Variants in KMT2D observed in about 807,000 individuals in gnomAD.
The protein encoded by KMT2D is lysine methyltransferase 2D, also known as histone-lysine N-methyltransferase 2D.
KMT2D carries 55 observed loss-of-function variants against 512.7 expected under a neutral mutation model. That is an observed-to-expected ratio of 0.11 (90% CI 0.09 to 0.13). The LOEUF (loss-of-function observed/expected upper bound fraction) is 0.13. Ranked by LOEUF, KMT2D falls within the 10% of genes least tolerant of loss-of-function variation. The pLI is 1.00. For synonymous variants in KMT2D, 2,995 were observed against 2,904.0 expected, an observed-to-expected ratio of 1.03 and a Z score of -1.01; for missense variants, 6,061 against 7,127.9, an observed-to-expected ratio of 0.85 and a Z score of 5.39.
In KMT2D at chr12:49,033,681, G is replaced by A. The variant is rs1159455501; in HGVS notation, c.11024C>T (p.Thr3675Ile). The A allele has an allele frequency of 1.9e-6, 3 of 1,613,702 alleles. No individual in the cohort carries two copies. The highest frequency in any genetic ancestry group is 1.1e-5 in the South Asian group (1 of 91,086). Residue 3675 changes from threonine (T) to isoleucine (I), a missense_variant, in exon 40 of 55, where the codon ACA becomes ATA. Around this residue, in one of 16 missense-constraint regions of KMT2D, gnomAD observed 1,600 missense variants for 1,754.9 expected, o/e 0.91. Coordinates refer to ENST00000301067, the MANE Select transcript of KMT2D (RefSeq NM_003482.4). ...CTGTTGCTGCTGTTGGGCCAGAGCTGTATTAAGGAAGGGGCCACCAGGCTG... is the reference window on the plus strand; with the variant it reads ...CTGTTGCTGCTGTTGGGCCAGAGCTATATTAAGGAAGGGGCCACCAGGCTG... Reference protein sequence around the residue: ...PGQPGGPFLNTALAQQQQQQH... With the variant: ...PGQPGGPFLNIALAQQQQQQH...
rs572083092 is a variant in KMT2D at position 49,033,859 on chromosome 12, C to G, written c.10846G>C (p.Val3616Leu). The G allele has an allele frequency of 4.5e-6, 7 of 1,556,256 alleles. No individual in the cohort carries two copies. In the South Asian group the frequency reaches 7.3e-5, roughly 16 times the overall value. ...CTCTGGGAAGGGCTGAGAGCCAGCA[C>G]AGCTGAGTGCTGTTGCTGTTGTTGC... ...QQQQQQQHSA[V>L]LALSPSQSPR... Residue 3616 changes from valine (V) to leucine (L), a missense_variant, in exon 40 of 55, where the codon GTG becomes CTG. By Grantham distance (32) the Val-to-Leu change is conservative. Transcript: ENST00000301067.
Position 49,029,141 on chromosome 12 carries a change from T to A in KMT2D, c.14171A>T (p.His4724Leu). 29 of 1,613,834 alleles carry A rather than the reference T, an allele frequency of 1.8e-5. 1 individual carries two copies. The highest frequency in any genetic ancestry group is 2.3e-5 in the Non-Finnish European group (27 of 1,179,770). Reference protein sequence around the residue: ...ILGEEAPRFPHLGSGRWEQED... With the variant: ...ILGEEAPRFPLLGSGRWEQED... ...TTGCTCCCACCGGCCTGAGCCCAGA[T>A]GAGGGAAACGAGGGGCCTCCTCCCC... The change falls in exon 45 of 55, where the codon CAT (histidine) becomes CTT (leucine). Residue 4724 changes from histidine to leucine, a missense_variant. Coordinates refer to ENST00000301067, the MANE Select transcript of KMT2D (RefSeq NM_003482.4).
rs780029569 is a variant in KMT2D, at chr12:49,031,850, G to A, written c.12855C>T (p.Gly4285=). The change falls in exon 40 of 55, where the codon GGC becomes GGT. Residue 4285 remains glycine (G), a synonymous_variant. Coordinates refer to ENST00000301067, the MANE Select transcript of KMT2D (RefSeq NM_003482.4). ...CTGGTGGGGCAGGGAGCCGGGGTGG[G>A]CCCTGAGGTCGAGGCCCTGCCCCTA... ...QELGAGPRPQ[G]PPRLPAPPGA... is the part of the protein sequence containing the mutation. The A allele has an allele frequency of 1.6e-5, 25 of 1,546,770 alleles. No individual in the cohort carries two copies. The South Asian group carries it at 3.1e-4, about 19-fold the overall frequency.
At position 49,044,148 on chromosome 12, in the gene KMT2D, T is replaced by C; in HGVS notation, c.5188+52A>G. On this transcript the variant is annotated intron_variant, in intron 22 of 54. Transcript: ENST00000301067. This position sits in a 1 kb window ranked among gnomAD's most constrained non-coding sequence, Gnocchi z 6.4. ...AATGAGTCCACCCCCTGGGTCTCTC[T>C]AGCATTGCCCCACCTTCTCCCAGGC... 2.5e-6 allele frequency: 4 copies of C among 1,595,054 alleles called. No individual in the cohort carries two copies. The highest frequency in any genetic ancestry group is 3.4e-6 in the Non-Finnish European group (4 of 1,169,284).
In KMT2D at chr12:49,034,859, C is replaced by A. The variant is rs2120461273; in HGVS notation, c.10308G>T (p.Lys3436Asn). Residue 3436 changes from lysine (K) to asparagine (N), a missense_variant, in exon 36 of 55, where the codon AAG becomes AAT. Lys to Asn is a moderately conservative substitution (Grantham distance 94). Around this residue, in one of 16 missense-constraint regions of KMT2D, gnomAD observed 533 missense variants for 539.6 expected, o/e 0.99. Transcript: ENST00000301067. ...KAKMVALKGI[K>N]KVMAQGSIGV... is the part of the protein sequence containing the mutation. ...CAATGCTGCCCTGAGCCATCACTTT[C>A]TTGATGCCTTTCAAAGCCACCATCT... The A allele has an allele frequency of 6.2e-7, 1 of 1,614,052 alleles. No homozygotes were observed. Among genetic ancestry groups the A allele is most frequent in the South Asian group, 1.1e-5 (1 of 91,088 alleles).
At position 49,042,301 on chromosome 12, in the gene KMT2D, G is replaced by T; in HGVS notation, c.5897C>A (p.Pro1966His). 6.4e-7 allele frequency: 1 copy of T among 1,555,512 alleles called. No individual in the cohort carries two copies. Among genetic ancestry groups the T allele is most frequent in the Non-Finnish European group, 8.7e-7 (1 of 1,148,972 alleles). Residue 1966 changes from proline to histidine, a missense_variant, in exon 29 of 55, where the codon CCC (proline) becomes CAC (histidine). Pro to His is a moderately conservative substitution (Grantham distance 77). This residue lies in a region of KMT2D where 640 missense variants were observed against 814.3 expected (regional missense o/e 0.79). Transcript: ENST00000301067. The surrounding 1 kb of genome is among the most constrained non-coding windows in gnomAD (Gnocchi z 4.4). ...CGTCCAGGGGCTGTCGGGCTCACCG[G>T]GTTCCGGGCTAAAGAAGCCCCCGCG... ...RERGGFFSPEPGEPDSPWTGS... is the reference protein window; with the variant it reads ...RERGGFFSPEHGEPDSPWTGS...
At position 49,042,514 on chromosome 12, in the gene KMT2D, G is replaced by A; in HGVS notation, c.5867+47C>T. On this transcript the variant is annotated intron_variant, in intron 28 of 54. Coordinates refer to ENST00000301067, the MANE Select transcript of KMT2D (RefSeq NM_003482.4). The surrounding 1 kb of genome is among the most constrained non-coding windows in gnomAD (Gnocchi z 4.4). ...GGCAAAGCATGAACTCAGATGGAGG[G>A]AAAGGACAACGAGGACTGCCCACAA... The A allele has an allele frequency of 5.7e-6, 9 of 1,590,124 alleles. No individual in the cohort carries two copies. Among genetic ancestry groups the A allele is most frequent in the Non-Finnish European group, 7.7e-6 (9 of 1,163,526 alleles).
In KMT2D at chr12:49,044,381, C is replaced by T. The variant is rs75566539; in HGVS notation, c.5083+22G>A. On this transcript the variant is annotated intron_variant, in intron 21 of 54. Transcript: ENST00000301067. The surrounding 1 kb of genome is among the most constrained non-coding windows in gnomAD (Gnocchi z 6.4). ...TGCCCCGCACCACCCCACCACCCCA[C>T]AACCCCATCCCAGGACCTCACCAGG... 43,888 of 1,613,826 alleles carry T rather than the reference C, an allele frequency of 0.027. 737 individuals carry two copies. Among genetic ancestry groups the T allele is most frequent in the Non-Finnish European group, 0.029 (34,738 of 1,179,796 alleles).
chr12:49,030,548 C>G (rs572947161), intron 42 of KMT2D, 53 bp downstream of exon 42: 657 of 1,513,482 alleles, frequency 4.3e-4, no homozygotes, highest in Non-Finnish European at 5.6e-4. Flanking sequence ...TATTCCCACC[C>G]TCACCTTCCC....
rs1431689802 is a variant in KMT2D, at chr12:49,039,201, G to C, written c.8366+21C>G. ...ATCCATCCCCCTTGGTTTACCCCCA[G>C]GGAACCTCCTGGAGCCTCACCGGCT... On this transcript the variant is annotated intron_variant, in intron 34 of 54. Transcript: ENST00000301067. The surrounding 1 kb of genome is among the most constrained non-coding windows in gnomAD (Gnocchi z 5.0). 1.2e-6 allele frequency: 2 copies of C among 1,612,680 alleles called. No homozygotes were observed. Among genetic ancestry groups the C allele is most frequent in the Admixed American group, 3.3e-5 (2 of 59,848 alleles).
At position 49,041,266 on chromosome 12, in the gene KMT2D, G is replaced by T. The variant is rs577670680; in HGVS notation, c.6504C>A (p.Pro2168=). The change falls in exon 32 of 55, where the codon CCC becomes CCA. Residue 2168 remains proline (P), a synonymous_variant. Coordinates refer to ENST00000301067, the MANE Select transcript of KMT2D (RefSeq NM_003482.4). The surrounding 1 kb of genome is among the most constrained non-coding windows in gnomAD (Gnocchi z 5.4). ...AGGGGTCCTGCGAAGGCACTTGGGC[G>T]GGCACCTGGGGTGGGAGCTTGAGGA... ...ELFLKLPPQV[P]AQVPSQDPFG... is the part of the protein sequence containing the mutation. 2.0e-6 allele frequency: 3 copies of T among 1,517,146 alleles called. No homozygotes were observed. The highest frequency in any genetic ancestry group is 2.6e-6 in the Non-Finnish European group (3 of 1,136,704). 94.0% of individuals were successfully genotyped at this position (1,517,146 alleles called of 1,614,324 possible).
chr12:49,046,650 G>C lies in KMT2D; in HGVS notation c.4377C>G (p.Pro1459=), dbSNP rs1381842502. The C allele has an allele frequency of 6.8e-6, 11 of 1,613,686 alleles. No individual in the cohort carries two copies. The highest frequency in any genetic ancestry group is 1.3e-5 in the African/African-American group (1 of 74,896). The change falls in exon 16 of 55, where the codon CCC becomes CCG. Residue 1459 remains proline (P), a synonymous_variant. Coordinates refer to ENST00000301067, the MANE Select transcript of KMT2D (RefSeq NM_003482.4). The surrounding 1 kb of genome is among the most constrained non-coding windows in gnomAD (Gnocchi z 4.2). ...CGCCCTTGGGGACGGTGAGCAGTGG[G>C]GGGTCCAGGCAGTATGTGTGGTAGC... is the stretch of plus-strand genomic sequence containing the variant. ...DISYHTYCLD[P]PLLTVPKGGW... is the part of the protein sequence containing the mutation.
rs2120604919 is a variant in KMT2D, at chr12:49,046,353, T to C, written c.4490A>G (p.His1497Arg). 2 of 1,613,968 alleles carry C rather than the reference T, an allele frequency of 1.2e-6. No homozygotes were observed. Among genetic ancestry groups the C allele is most frequent in the Non-Finnish European group, 1.7e-6 (2 of 1,179,882 alleles). The change falls in exon 17 of 55, where the codon CAC (histidine) becomes CGC (arginine). Residue 1497 changes from histidine (H) to arginine (R), a missense_variant. His to Arg is a conservative substitution (Grantham distance 29, BLOSUM62 0). Around this residue, in one of 16 missense-constraint regions of KMT2D, gnomAD observed 640 missense variants for 814.3 expected, o/e 0.79. Coordinates refer to ENST00000301067, the MANE Select transcript of KMT2D (RefSeq NM_003482.4). The surrounding 1 kb of genome is among the most constrained non-coding windows in gnomAD (Gnocchi z 4.2). ...FHCEWQNSYT[H>R]CGPCASLVTC... ...CACCAGGCTGGCACAGGGCCCACAGTGTGTGTAACTATTCTGCCATTCACA... is the reference window on the plus strand; with the variant it reads ...CACCAGGCTGGCACAGGGCCCACAGCGTGTGTAACTATTCTGCCATTCACA...
At position 49,027,340 on chromosome 12, in the gene KMT2D, G is replaced by A. The variant is rs1942653340; in HGVS notation, c.14644-18C>T. The stretch of plus-strand genomic sequence containing the variant: ...GGGCTCTCCTGTAGGAGGGTGCCCT[G>A]TATCATTAGTGCCAGCTCCTCATCT... On this transcript the variant is annotated intron_variant, in intron 48 of 54. Transcript: ENST00000301067. The A allele has an allele frequency of 2.7e-6, 4 of 1,505,646 alleles. No homozygotes were observed. The highest frequency in any genetic ancestry group is 1.4e-5 in the African/African-American group (1 of 71,356). 93.3% of individuals were successfully genotyped at this position (1,505,646 alleles called of 1,614,324 possible). A position where few individuals can be genotyped will look rare whatever the true frequency, so the allele number is the denominator to read the frequency against.
chr12:49,027,255 C>T lies in KMT2D; in HGVS notation c.14711G>A (p.Arg4904Gln), dbSNP rs751628871. Residue 4904 changes from arginine (R) to glutamine (Q), a missense_variant, in exon 49 of 55, where the codon CGA becomes CAA. By Grantham distance (43) the Arg-to-Gln change is conservative. Transcript: ENST00000301067. ...YTYNVSNLDV[R>Q]QLSAPPPEEP... ...TTCAGGAGGTGGGGCCGAGAGCTGTCGCACATCCAGATTGGAGACATTGTA... is the reference window on the plus strand; with the variant it reads ...TTCAGGAGGTGGGGCCGAGAGCTGTTGCACATCCAGATTGGAGACATTGTA... 4.5e-6 allele frequency: 7 copies of T among 1,553,286 alleles called. No individual in the cohort carries two copies. Among genetic ancestry groups the T allele is most frequent in the East Asian group, 4.5e-5 (2 of 44,576 alleles).
chr12:49,053,170 A>G, intron 8 of KMT2D, 37 bp downstream of exon 8: 1 of 1,610,302 alleles, frequency 6.2e-7, no homozygotes. Flanking sequence ...TAGCAGACAC[A>G]GTTAGGGACA....
In KMT2D at chr12:49,030,309, G is replaced by C. The variant is rs748791941; in HGVS notation, c.13970C>G (p.Ser4657Cys). The change falls in exon 43 of 55, where the codon TCT (serine) becomes TGT (cysteine). Residue 4657 changes from serine (S) to cysteine (C), a missense_variant. Physicochemically the swap from Ser to Cys is moderately radical, Grantham distance 112. Coordinates refer to ENST00000301067, the MANE Select transcript of KMT2D (RefSeq NM_003482.4). ...ELGEHPKDAA[S>C]ARDSERALRD... Reference sequence around the variant, plus strand: ...CAGTGCCCTTTCACTATCCCGGGCAGAGGCAGCATCCTTGGGGTGCTCCCC... The same window carrying C: ...CAGTGCCCTTTCACTATCCCGGGCACAGGCAGCATCCTTGGGGTGCTCCCC... 6.2e-7 allele frequency: 1 copy of C among 1,603,738 alleles called. No homozygotes were observed. Among genetic ancestry groups the C allele is most frequent in the South Asian group, 1.1e-5 (1 of 89,108 alleles).
intron 51 of KMT2D, among the ~76,000 whole-genome samples, chr12:49,023,617 G>A (rs183773935): frequency 2.6e-4 from 40 of 152,176 alleles, no homozygotes; most frequent in Non-Finnish European, 5.7e-4. Flanking sequence ...ATGTTGACTG[G>A]AACTCCAATA....
rs1203805422 is a variant in KMT2D at position 49,054,809 on chromosome 12, A to T, written c.177-58T>A. 16 of 1,605,300 alleles carry T rather than the reference A, an allele frequency of 1.0e-5. No homozygotes were observed. The East Asian group carries it at 3.6e-4, about 36-fold the overall frequency. Reference sequence around the variant, plus strand: ...GCCCCCAGCAACCCCATGATCTGGCATGCCCATGCTTCCCCAACACTCATT... The same window carrying T: ...GCCCCCAGCAACCCCATGATCTGGCTTGCCCATGCTTCCCCAACACTCATT... On this transcript the variant is annotated intron_variant, in intron 3 of 54. Coordinates refer to ENST00000301067, the MANE Select transcript of KMT2D (RefSeq NM_003482.4). The surrounding 1 kb of genome is among the most constrained non-coding windows in gnomAD (Gnocchi z 6.4).
Sources: allele counts gnomAD v4.1 joint callset (sites outside exome capture counted in the v4.1 genomes callset), GRCh38; gene constraint gnomAD v4.1.1; regional missense constraint gnomAD v4.1.1; non-coding constraint Gnocchi (gnomAD v3.1); transcripts MANE v1.5; gene names NCBI Gene and HGNC (gene_info 2026-07-23, HGNC 2026-07-21).